The following DENND5B variants were observed in gnomAD, a reference collection of about 807,000 sequenced individuals.
DENND5B encodes DENN domain-containing protein 5B.
A neutral mutation model predicts 140.6 loss-of-function variants in DENND5B; 34 were observed. The observed-to-expected ratio is 0.24, with a 90% confidence interval of 0.18 to 0.32. The LOEUF (loss-of-function observed/expected upper bound fraction) is 0.32. Among genes scored for constraint, DENND5B ranks in the 10% least tolerant of loss-of-function variants. The pLI is 1.00. For missense variants in DENND5B, 1,142 were observed against 1,560.2 expected (o/e 0.73, Z 4.52); for synonymous variants, 551 against 562.1 (o/e 0.98, Z 0.28).
At chr12:31,517,668 C>A (rs1023674726) in intron 1 of DENND5B, among the ~76,000 whole-genome samples, 4 of 152,306 alleles carry the variant, frequency 2.6e-5, no homozygotes, top group African/African-American at 9.6e-5. Context: ...TAAGTCTCCT[C>A]ATTTCCCAGC....
chr12:31,398,201 A>G lies in DENND5B; in HGVS notation c.3230T>C (p.Ile1077Thr), dbSNP rs1397368954. 3 of 1,603,366 alleles carry G rather than the reference A, an allele frequency of 1.9e-6. No homozygotes were observed. In the African/African-American group the frequency reaches 4.0e-5, roughly 21 times the overall value. ...GTTGTTTTTTCCTGTCAGTGAAGTGATGCTCAATCTCCTAGCCGTGGTGGG... is the reference window on the plus strand; with the variant it reads ...GTTGTTTTTTCCTGTCAGTGAAGTGGTGCTCAATCTCCTAGCCGTGGTGGG... ...KSPTTARRLSITSLTGKNNKP... is the reference protein window; with the variant it reads ...KSPTTARRLSTTSLTGKNNKP... Residue 1077 changes from isoleucine (I) to threonine (T), a missense_variant, in exon 17 of 21, where the codon ATC becomes ACC. Physicochemically the swap from Ile to Thr is moderately conservative, Grantham distance 89 (BLOSUM62 -1). This residue lies in a region of DENND5B where 268 missense variants were observed against 349.2 expected (regional missense o/e 0.77). Transcript: ENST00000389082.
intron 1 of DENND5B, among the ~76,000 whole-genome samples, chr12:31,508,242 T>C (rs1947276955): frequency 6.6e-6 from 1 of 152,126 alleles, no homozygotes; most frequent in African/African-American, 2.4e-5. Flanking sequence ...AAAGTAGACC[T>C]TTCCCTCCAT....
At chr12:31,504,574 T>C (rs1947123472) in intron 1 of DENND5B, among the ~76,000 whole-genome samples, 2 of 152,124 alleles carry the variant, frequency 1.3e-5, no homozygotes, top group African/African-American at 2.4e-5. Flanking sequence ...CTGATCATCA[T>C]GGTTAAATAT....
chr12:31,477,178 A>C (rs1010691027), intron 3 of DENND5B, among the ~76,000 whole-genome samples: 2 of 151,942 alleles, frequency 1.3e-5, no homozygotes, highest in African/African-American at 4.8e-5. Flanking sequence ...CAGTGAGCCA[A>C]GATCATGCCA....
chr12:31,408,313 CAAT>C (rs1942250786), intron 14 of DENND5B, among the ~76,000 whole-genome samples: 2 of 150,044 alleles, frequency 1.3e-5, no homozygotes, highest in South Asian at 2.1e-4. Context: ...AAACCAAAAA[CAAT>C]AACAACAACA....
chr12:31,446,737 T>C (rs961470506), intron 6 of DENND5B, among the ~76,000 whole-genome samples: 1 of 148,938 alleles, frequency 6.7e-6, no homozygotes, highest in African/African-American at 2.5e-5. Context: ...CTACTGAAAA[T>C]TCAAAAAATT....
intron 12 of DENND5B, among the ~76,000 whole-genome samples, chr12:31,414,532 A>G (rs1295128168): frequency 6.6e-6 from 1 of 152,068 alleles, no homozygotes; most frequent in East Asian, 1.9e-4. Context: ...GCTATAAAAT[A>G]GTTTAGGACG....
intron 7 of DENND5B, among the ~76,000 whole-genome samples, chr12:31,435,282 C>T (rs997724558): frequency 6.6e-6 from 1 of 152,196 alleles, no homozygotes; most frequent in Non-Finnish European, 1.5e-5. Flanking sequence ...CTCCTTCTTC[C>T]TGCCCTCTAC....
chr12:31,427,074 T>A (rs951567937), intron 8 of DENND5B, among the ~76,000 whole-genome samples: 21 of 152,174 alleles, frequency 1.4e-4, no homozygotes, highest in African/African-American at 5.1e-4. Context: ...CACGATGTGC[T>A]CCAAGTGAAG....
intron 1 of DENND5B, among the ~76,000 whole-genome samples, chr12:31,559,846 T>A (rs1213014373): frequency 2.0e-5 from 3 of 152,096 alleles, no homozygotes; most frequent in Non-Finnish European, 4.4e-5. Flanking sequence ...TTTTAGGAAT[T>A]TTACAACGGA....
chr12:31,468,423 A>T (rs1448042514), intron 3 of DENND5B, among the ~76,000 whole-genome samples: 1 of 152,140 alleles, frequency 6.6e-6, no homozygotes, highest in Non-Finnish European at 1.5e-5. Context: ...TAGTAGAAAG[A>T]AGTGAATAAT....
intron 8 of DENND5B, 82 bp from the exon 9 acceptor site, chr12:31,426,506 GACAAA>G: frequency 6.8e-7 from 1 of 1,466,930 alleles, no homozygotes; most frequent in Non-Finnish European, 9.1e-7. Flanking sequence ...CAAGTGCAGA[GACAAA>G]TGAAATGCAA....
At chr12:31,541,934 A>G (rs1279269036) in intron 1 of DENND5B, among the ~76,000 whole-genome samples, 1 of 152,188 alleles carries the variant, frequency 6.6e-6, no homozygotes, top group East Asian at 1.9e-4. Context: ...TGTTAAGTGA[A>G]ATAAGCCAGA....
intron 1 of DENND5B, among the ~76,000 whole-genome samples, chr12:31,585,696 T>A (rs1307143641): frequency 6.6e-6 from 1 of 152,216 alleles, no homozygotes; most frequent in East Asian, 1.9e-4. Flanking sequence ...TAACGTGACA[T>A]GATATTCTGT....
At chr12:31,541,425 C>T (rs904422546) in intron 1 of DENND5B, among the ~76,000 whole-genome samples, 4 of 152,114 alleles carry the variant, frequency 2.6e-5, no homozygotes, top group Non-Finnish European at 4.4e-5. Context: ...AAAAGACATA[C>T]AAATGGCAAA....
At chr12:31,413,264 T>C (rs1942559442) in intron 13 of DENND5B, among the ~76,000 whole-genome samples, 172 bp downstream of exon 13, 1 of 152,126 alleles carries the variant, frequency 6.6e-6, no homozygotes, top group Admixed American at 6.6e-5. Flanking sequence ...CCCAAAACGA[T>C]CAAGTATTAC....
rs1377192089 is a variant in DENND5B, at chr12:31,525,193, T to C, written c.128-29274A>G. Among the ~76,000 whole-genome samples, 21 of 152,194 alleles carry C rather than the reference T, an allele frequency of 1.4e-4. 1 individual carries two copies. The highest frequency in any genetic ancestry group is 1.4e-3 in the Admixed American group (21 of 15,280). On this transcript the variant is annotated intron_variant, in intron 1 of 20. Coordinates refer to ENST00000389082, the MANE Select transcript of DENND5B (RefSeq NM_144973.4). ...TAATTCTTCAAGTGGTTAAACATAG[T>C]ATATACCCAACATTAATAAAAACAT...
At chr12:31,583,809 G>A (rs1213330226) in intron 1 of DENND5B, among the ~76,000 whole-genome samples, 1 of 152,178 alleles carries the variant, frequency 6.6e-6, no homozygotes, top group Non-Finnish European at 1.5e-5. Flanking sequence ...ATAGGACAGT[G>A]GCCACCACTT....
intron 1 of DENND5B, among the ~76,000 whole-genome samples, chr12:31,568,257 T>C (rs1949699706): frequency 6.6e-6 from 1 of 152,210 alleles, no homozygotes; most frequent in African/African-American, 2.4e-5. Context: ...AATTTCATGT[T>C]TAGACTTAGG....
Sources: allele counts gnomAD v4.1 joint callset (sites outside exome capture counted in the v4.1 genomes callset), GRCh38; gene constraint gnomAD v4.1.1; regional missense constraint gnomAD v4.1.1; transcripts MANE v1.5; gene names NCBI Gene and HGNC (gene_info 2026-07-23, HGNC 2026-07-21).